The following PLCB1 variants were observed in gnomAD, a reference collection of about 807,000 sequenced individuals.
PLCB1 encodes the protein 1-phosphatidylinositol 4,5-bisphosphate phosphodiesterase beta-1.
Under a neutral mutation model 161.8 loss-of-function variants are expected in PLCB1, and 46 were observed. That is an observed-to-expected ratio of 0.28 (90% CI 0.22 to 0.36). The LOEUF (loss-of-function observed/expected upper bound fraction) is 0.36. Ranked by LOEUF, PLCB1 falls within the 10% of genes least tolerant of loss-of-function variation. The probability of loss-of-function intolerance (pLI) is 1.00; values close to 1 mark genes in which losing one functional copy is unlikely to be tolerated. For missense variants in PLCB1, 1,016 were observed against 1,472.5 expected, an observed-to-expected ratio of 0.69 and a Z score of 5.07; for synonymous variants, 517 against 503.7, an observed-to-expected ratio of 1.03 and a Z score of -0.35.
chr20:8,854,340 G>A (rs777833163), intron 31 of PLCB1, among the ~76,000 whole-genome samples: 2 of 152,102 alleles, frequency 1.3e-5, no homozygotes, highest in Non-Finnish European at 2.9e-5. Flanking sequence ...GGCCTCAGGG[G>A]CTCTGAACAA....
At chr20:8,467,895 C>A (rs1477494288) in intron 3 of PLCB1, among the ~76,000 whole-genome samples, 1 of 152,110 alleles carries the variant, frequency 6.6e-6, no homozygotes, top group Non-Finnish European at 1.5e-5. Flanking sequence ...CTGTCTGCAC[C>A]ATTAGGATGA....
intron 3 of PLCB1, among the ~76,000 whole-genome samples, chr20:8,417,292 T>C (rs1229742611): frequency 1.3e-5 from 2 of 151,114 alleles, no homozygotes; most frequent in Middle Eastern, 3.4e-3. Flanking sequence ...TTCACCATGA[T>C]ACACTTATAT....
chr20:8,493,045 A>G (rs572876132), intron 3 of PLCB1, among the ~76,000 whole-genome samples: 9 of 152,278 alleles, frequency 5.9e-5, no homozygotes, highest in African/African-American at 2.2e-4. Context: ...GAAGGTAATC[A>G]CTGAAATGAG....
At chr20:8,139,758 C>T (rs905957633) in intron 1 of PLCB1, among the ~76,000 whole-genome samples, 1 of 152,178 alleles carries the variant, frequency 6.6e-6, no homozygotes, top group African/African-American at 2.4e-5. Flanking sequence ...TGATCCTCCC[C>T]AGGTGTGCTG....
chr20:8,358,529 G>C (rs1600341072), intron 2 of PLCB1, among the ~76,000 whole-genome samples: 1 of 152,026 alleles, frequency 6.6e-6, no homozygotes, highest in South Asian at 2.1e-4. Context: ...GGGATTACAG[G>C]CGTGAGCCAC....
At chr20:8,624,503 G>T (rs1275404843) in intron 3 of PLCB1, among the ~76,000 whole-genome samples, 1 of 152,110 alleles carries the variant, frequency 6.6e-6, no homozygotes. Flanking sequence ...AAAAAGTAAG[G>T]ATTCAAACCA....
At chr20:8,255,211 T>A (rs796322056) in intron 2 of PLCB1, among the ~76,000 whole-genome samples, 20 of 152,182 alleles carry the variant, frequency 1.3e-4, no homozygotes, top group African/African-American at 4.8e-4. Flanking sequence ...ATCAGCATTT[T>A]ACAAAAATGA....
intron 2 of PLCB1, among the ~76,000 whole-genome samples, chr20:8,358,705 C>A (rs1986444010): frequency 6.6e-6 from 1 of 152,110 alleles, no homozygotes; most frequent in Admixed American, 6.5e-5. Flanking sequence ...TTTGCATTAT[C>A]CCAATAACCT....
At chr20:8,215,847 T>C (rs1979092546) in intron 2 of PLCB1, among the ~76,000 whole-genome samples, 1 of 151,756 alleles carries the variant, frequency 6.6e-6, no homozygotes, top group African/African-American at 2.4e-5. Context: ...GTTTTATATG[T>C]ATGTATATAT....
At chr20:8,162,808 A>G (rs920048000) in intron 2 of PLCB1, among the ~76,000 whole-genome samples, 5 of 152,232 alleles carry the variant, frequency 3.3e-5, no homozygotes, top group Non-Finnish European at 7.3e-5. Flanking sequence ...GCTGGTATAC[A>G]TAATGGATTC....
chr20:8,853,914 G>A (rs932449822), intron 31 of PLCB1, among the ~76,000 whole-genome samples: 1 of 152,148 alleles, frequency 6.6e-6, no homozygotes, highest in Non-Finnish European at 1.5e-5. Context: ...CCATTTACTC[G>A]TAATGGGCAT....
intron 9 of PLCB1, among the ~76,000 whole-genome samples, chr20:8,661,970 TTATATAATTA>T (rs1377812427): frequency 7.9e-6 from 1 of 125,986 alleles, no homozygotes; most frequent in Non-Finnish European, 1.6e-5. Context: ...TAATTATTTA[TTATATAATTA>T]TATATAATTA....
chr20:8,439,527 A>G (rs768545904), intron 3 of PLCB1, among the ~76,000 whole-genome samples: 4 of 152,242 alleles, frequency 2.6e-5, no homozygotes, highest in Non-Finnish European at 5.9e-5. Context: ...TTGAGGAATT[A>G]CATGGCTCGT....
chr20:8,254,697 G>T (rs749778969), intron 2 of PLCB1, among the ~76,000 whole-genome samples: 1 of 151,890 alleles, frequency 6.6e-6, no homozygotes, highest in Non-Finnish European at 1.5e-5. Flanking sequence ...ATTTTATACC[G>T]CTACGAGGCA....
At chr20:8,353,626 C>T (rs532738306) in intron 2 of PLCB1, among the ~76,000 whole-genome samples, 1 of 152,072 alleles carries the variant, frequency 6.6e-6, no homozygotes, top group Non-Finnish European at 1.5e-5. Flanking sequence ...TCCCGAAACC[C>T]ACAACTTCAG....
At chr20:8,545,896 G>C (rs1030011838) in intron 3 of PLCB1, among the ~76,000 whole-genome samples, 2 of 152,144 alleles carry the variant, frequency 1.3e-5, no homozygotes, top group South Asian at 2.1e-4. Context: ...GTTTTACATA[G>C]AGGGATTAAG....
chr20:8,353,840 A>G (rs1377264015), intron 2 of PLCB1, among the ~76,000 whole-genome samples: 1 of 152,130 alleles, frequency 6.6e-6, no homozygotes, highest in Non-Finnish European at 1.5e-5. Context: ...ACTAAGGAAT[A>G]TCAATGAAGT....
rs549322808 is a variant in PLCB1 at position 8,416,583 on chromosome 20, G to A, written c.246+45133G>A. ...ACAGGAAAAGTAAGTTTGCAAGGGA[G>A]CATGGTTTATGTACAGTCACAGGAG... On this transcript the variant is annotated intron_variant, in intron 3 of 31. Coordinates refer to ENST00000338037, the MANE Select transcript of PLCB1 (RefSeq NM_015192.4). 5.9e-5 allele frequency among the ~76,000 whole-genome samples: 9 copies of A among 152,220 alleles called. 1 individual carries two copies. Among genetic ancestry groups the A allele is most frequent in the African/African-American group, 2.2e-4 (9 of 41,530 alleles).
chr20:8,512,573 T>C (rs1983933282), intron 3 of PLCB1, among the ~76,000 whole-genome samples: 1 of 152,140 alleles, frequency 6.6e-6, no homozygotes. Context: ...GTTTTTTTAA[T>C]TGATAAATAA....
Sources: allele counts gnomAD v4.1 joint callset (sites outside exome capture counted in the v4.1 genomes callset), GRCh38; gene constraint gnomAD v4.1.1; transcripts MANE v1.5; gene names NCBI Gene and HGNC (gene_info 2026-07-23, HGNC 2026-07-21).